The following HTATSF1 variants were observed in gnomAD, a reference collection of about 807,000 sequenced individuals.
HTATSF1 encodes the protein 17S U2 SnRNP complex component HTATSF1.
A neutral mutation model predicts 46.1 loss-of-function variants in HTATSF1; 6 were observed. That is an observed-to-expected ratio of 0.13 (90% CI 0.07 to 0.26). HTATSF1 has a LOEUF of 0.26. Among genes scored for constraint, HTATSF1 ranks in the 10% least tolerant of loss-of-function variants. The pLI is 1.00. For missense variants in HTATSF1, 452 were observed against 559.9 expected (o/e 0.81, Z 1.94); for synonymous variants, 226 against 211.5 (o/e 1.07, Z -0.60).
rs780127950 is a variant in HTATSF1 at position 136,511,031 on chromosome X, A to T, written c.1286A>T (p.Lys429Met). 9 of 1,211,793 alleles carry T rather than the reference A, an allele frequency of 7.4e-6. No individual in the cohort carries two copies. The highest frequency in any genetic ancestry group is 1.0e-5 in the Non-Finnish European group (9 of 895,532). The change falls in exon 9 of 9, where the codon AAG becomes ATG. Residue 429 changes from lysine to methionine, a missense_variant. Around this residue, in one of 3 missense-constraint regions of HTATSF1, gnomAD observed 246 missense variants for 245.3 expected, o/e 1.00. Coordinates refer to ENST00000218364, the MANE Select transcript of HTATSF1 (RefSeq NM_014500.5). ...GCGTTTGAAGAACCTATAGATGAGA[A>T]GAAGTTTGAAAAGACAGAAGATGGG... is the stretch of plus-strand genomic sequence containing the variant. ...GMAFEEPIDE[K>M]KFEKTEDGGE...
chrX:136,507,935 C>A (rs1396319559), intron 6 of HTATSF1, among the ~76,000 whole-genome samples: 1 of 112,038 alleles, frequency 8.9e-6, no homozygotes, highest in Non-Finnish European at 1.9e-5. Flanking sequence ...ACTCCTTATT[C>A]TTCTCAGGTC....
upstream of HTATSF1, chrX:136,497,490 G>A (rs2075696405): frequency 1.2e-5 from 3 of 241,457 alleles, no homozygotes; most frequent in Non-Finnish European, 1.5e-5. Context: ...CGCGCGGTGG[G>A]CGGGCAGAGA....
chrX:136,498,797 G>T (rs1427598711), intron 1 of HTATSF1, among the ~76,000 whole-genome samples: 1 of 112,680 alleles, frequency 8.9e-6, no homozygotes, highest in African/African-American at 3.2e-5. Context: ...TTTAACAAAG[G>T]TGTGATAATG....
At chrX:136,507,228 G>A (rs1342314136) in intron 6 of HTATSF1, among the ~76,000 whole-genome samples, 1 of 111,824 alleles carries the variant, frequency 8.9e-6, no homozygotes, top group Non-Finnish European at 1.9e-5. Context: ...GATTTTGGGT[G>A]GAGGGGTATA....
intron 6 of HTATSF1, among the ~76,000 whole-genome samples, chrX:136,504,720 G>C (rs995114447): frequency 8.9e-6 from 1 of 112,073 alleles, no homozygotes; most frequent in Non-Finnish European, 1.9e-5. Context: ...CAGCTACTTG[G>C]TATGGGAAAC....
At position 136,499,674 on chromosome X, in the gene HTATSF1, A is replaced by T. The variant is rs1569352929; in HGVS notation, c.263A>T (p.Asn88Ile). 1 of 1,201,397 alleles carries T rather than the reference A, an allele frequency of 8.3e-7. No individual in the cohort carries two copies. The change falls in exon 2 of 9, where the codon AAT becomes ATT. Residue 88 changes from asparagine (N) to isoleucine (I), a missense_variant. Transcript: ENST00000218364. Reference protein sequence around the residue: ...SNDGASSSTANVEDVHARTAE... With the variant: ...SNDGASSSTAIVEDVHARTAE... Reference sequence around the variant, plus strand: ...GATGGCGCATCTAGTTCTACCGCAAATGTTGAAGATGTCCATGCTAGGACT... The same window carrying T: ...GATGGCGCATCTAGTTCTACCGCAATTGTTGAAGATGTCCATGCTAGGACT...
intron 6 of HTATSF1, among the ~76,000 whole-genome samples, chrX:136,507,517 C>T (rs765417590): frequency 1.4e-3 from 146 of 108,019 alleles, no homozygotes; most frequent in African/African-American, 4.4e-3. Flanking sequence ...GCCAAGATCG[C>T]GCCACTGCAC....
At chrX:136,505,580 C>A (rs145682829) in intron 6 of HTATSF1, among the ~76,000 whole-genome samples, 1 of 112,146 alleles carries the variant, frequency 8.9e-6, no homozygotes, top group Non-Finnish European at 1.9e-5. Context: ...ACACCAGATG[C>A]ATTTTGAAAT....
At chrX:136,502,968 G>A (rs1246296285) in intron 5 of HTATSF1, 27 bp downstream of exon 5, 4 of 1,028,950 alleles carry the variant, frequency 3.9e-6, no homozygotes, top group Middle Eastern at 2.9e-4. Flanking sequence ...CCTTTTGAAA[G>A]GTTCCATATA....
At chrX:136,503,235 A>G (rs1159052126) in intron 5 of HTATSF1, among the ~76,000 whole-genome samples, 3 of 112,003 alleles carry the variant, frequency 2.7e-5, no homozygotes, top group African/African-American at 9.7e-5. Flanking sequence ...AGGCTTATGT[A>G]CCAGAACCGT....
At chrX:136,501,439 T>A (rs768951368) in intron 4 of HTATSF1, among the ~76,000 whole-genome samples, 9 of 112,455 alleles carry the variant, frequency 8.0e-5, no homozygotes, top group Admixed American at 9.4e-5. Flanking sequence ...TTTTTTTGAA[T>A]GTGAGAAAAG....
At chrX:136,499,880 A>T in intron 2 of HTATSF1, 102 bp downstream of exon 2, 1 of 648,808 alleles carries the variant, frequency 1.5e-6, no homozygotes, top group Non-Finnish European at 2.3e-6. Flanking sequence ...TTGAAGGAAT[A>T]AGGTGAGTTT....
intron 4 of HTATSF1, among the ~76,000 whole-genome samples, chrX:136,502,427 A>G (rs1028362058): frequency 2.7e-5 from 3 of 111,849 alleles, no homozygotes; most frequent in Admixed American, 9.5e-5. Flanking sequence ...AACACCTACC[A>G]TATGTTAGTC....
In HTATSF1 at chrX:136,497,602, T is replaced by C; in HGVS notation, c.-83T>C. 5 of 853,323 alleles carry C rather than the reference T, an allele frequency of 5.9e-6. No homozygotes were observed. Among genetic ancestry groups the C allele is most frequent in the Non-Finnish European group, 8.0e-6 (5 of 627,871 alleles). 70.3% of individuals were successfully genotyped at this position (853,323 alleles called of 1,213,427 possible). On this transcript the variant is annotated 5_prime_UTR_variant, in exon 1 of 9. Coordinates refer to ENST00000218364, the MANE Select transcript of HTATSF1 (RefSeq NM_014500.5). ...CGGCGGGGCGCGAGCAGAGCGCGGT[T>C]GACCTCCCTTTCTCTGCTCAGCTCC...
At chrX:136,507,468 C>T (rs1464904663) in intron 6 of HTATSF1, among the ~76,000 whole-genome samples, 1 of 109,708 alleles carries the variant, frequency 9.1e-6, no homozygotes, top group African/African-American at 3.3e-5. Context: ...GGCTGAGGCA[C>T]GAGGATCACT....
At chrX:136,497,992 C>T in intron 1 of HTATSF1, 122 bp downstream of exon 1, 1 of 442,065 alleles carries the variant, frequency 2.3e-6, no homozygotes, top group Non-Finnish European at 3.6e-6. Flanking sequence ...TGAATAGCGA[C>T]GCTTCTTTTT....
chrX:136,497,753 A>C lies in HTATSF1; in HGVS notation c.69A>C (p.Gly23=), dbSNP rs1472061393. Residue 23 remains glycine (G), a synonymous_variant, in exon 1 of 9, where the codon GGA becomes GGC. Coordinates refer to ENST00000218364, the MANE Select transcript of HTATSF1 (RefSeq NM_014500.5). ...AGTTGCGAATGCAAGAATTGTACGG[A>C]GACGGCAAGGATGGTGACACCCAGA... ...DEQLRMQELY[G]DGKDGDTQTD... 3 of 1,207,054 alleles carry C rather than the reference A, an allele frequency of 2.5e-6. No individual in the cohort carries two copies.
intron 5 of HTATSF1, 50 bp from the exon 6 acceptor site, chrX:136,504,313 AC>A: frequency 3.2e-6 from 3 of 944,036 alleles, no homozygotes; most frequent in Non-Finnish European, 4.5e-6. Context: ...TCTCTCTCCA[AC>A]AAGTCTGAAG....
intron 6 of HTATSF1, among the ~76,000 whole-genome samples, chrX:136,506,645 A>G (rs372807510): frequency 8.9e-6 from 1 of 112,944 alleles, no homozygotes; most frequent in East Asian, 2.8e-4. Flanking sequence ...TTCTTCTTAG[A>G]TGCTTATTCC....
Sources: allele counts gnomAD v4.1 joint callset (sites outside exome capture counted in the v4.1 genomes callset), GRCh38; gene constraint gnomAD v4.1.1; regional missense constraint gnomAD v4.1.1; transcripts MANE v1.5; gene names NCBI Gene and HGNC (gene_info 2026-07-23, HGNC 2026-07-21).